Variants in NHLRC3 observed in about 807,000 individuals in gnomAD.
NHLRC3 encodes NHL repeat containing 3.
Under a neutral mutation model 32.0 loss-of-function variants are expected in NHLRC3, and 23 were observed. The observed-to-expected ratio is 0.72, with a 90% CI of 0.52 to 1.02. NHLRC3 has a LOEUF of 1.02. Among genes scored for constraint, NHLRC3 ranks in the 50% least tolerant of loss-of-function variants. The pLI is 0.00. For synonymous variants in NHLRC3, 159 were observed against 147.9 expected (o/e 1.08, Z -0.55); for missense variants, 407 against 406.8 (o/e 1.00, Z -0.01).
At chr13:39,044,812 C>T (rs761537948) in intron 5 of NHLRC3, among the ~76,000 whole-genome samples, 4 of 152,190 alleles carry the variant, frequency 2.6e-5, no homozygotes, top group Non-Finnish European at 5.9e-5. Context: ...CTTTTCACAA[C>T]GAAACCGCCA....
At chr13:39,039,414 T>G in intron 2 of NHLRC3, 126 bp downstream of exon 2, 3 of 1,079,814 alleles carry the variant, frequency 2.8e-6, no homozygotes, top group Non-Finnish European at 4.0e-6. Context: ...TGAGTTGGTC[T>G]CAAGTATTTT....
In NHLRC3 at chr13:39,038,623, T is replaced by G; in HGVS notation, c.-17T>G. On this transcript the variant is annotated 5_prime_UTR_variant, in exon 1 of 7. Transcript: ENST00000379600. ...AGACACCTGCGGACCCTCCCTCTCCTGGCTTCCCGTCTGGTCATGGCGAGA... is the reference window on the plus strand; with the variant it reads ...AGACACCTGCGGACCCTCCCTCTCCGGGCTTCCCGTCTGGTCATGGCGAGA... 3.1e-6 allele frequency: 5 copies of G among 1,612,530 alleles called. No homozygotes were observed. The highest frequency in any genetic ancestry group is 3.4e-6 in the Non-Finnish European group (4 of 1,178,498).
At chr13:39,044,360 G>T (rs562423236) in intron 5 of NHLRC3, 179 bp downstream of exon 5, 44 of 586,896 alleles carry the variant, frequency 7.5e-5, no homozygotes, top group African/African-American at 7.1e-4. Context: ...ATTACTCTGG[G>T]GCTGGGTGTG....
chr13:39,048,355 TA>T lies in NHLRC3; in HGVS notation c.*431del, dbSNP rs1389297973. On this transcript the variant is annotated 3_prime_UTR_variant, in exon 7 of 7. Coordinates refer to ENST00000379600, the MANE Select transcript of NHLRC3 (RefSeq NM_001012754.4). ...ATTGTAAATAAGATGAACTATTGAT[TA>T]ATTTGAGTACCCACAGAGTGCTGTG... The T allele has an allele frequency of 6.4e-6, 1 of 155,320 alleles. No homozygotes were observed. Among genetic ancestry groups the T allele is most frequent in the Non-Finnish European group, 1.4e-5 (1 of 69,880 alleles). The allele number at this position is 155,320 out of a possible 1,614,324, so 9.6% of individuals were successfully genotyped here.
Position 39,044,229 on chromosome 13 carries a change from T to TTGTGGGGGTG in NHLRC3, c.678+52_678+53insGGGGTGTGTG, listed in dbSNP as rs397951843. 5.8e-6 allele frequency: 5 copies of TTGTGGGGGTG among 859,156 alleles called. No individual in the cohort carries two copies. In the African/African-American group the frequency reaches 5.9e-5, roughly 10 times the overall value. The allele number at this position is 859,156 out of a possible 1,614,324, so 53.2% of individuals were successfully genotyped here. A position where few individuals can be genotyped will look rare whatever the true frequency, so the allele number is the denominator to read the frequency against. ...TCTGGGACTTTGTGTCTGAATATGTTTGTGTGTGTGTGTGTGTGTGTGTGT... is the reference window on the plus strand; with the variant it reads ...TCTGGGACTTTGTGTCTGAATATGTTTGTGGGGGTGTGTGTGTGTGTGTGTGTGTGTGTGT... On this transcript the variant is annotated intron_variant, in intron 5 of 6. Transcript: ENST00000379600.
intron 5 of NHLRC3, 41 bp downstream of exon 5, chr13:39,044,222 A>AAT: frequency 8.7e-7 from 1 of 1,147,440 alleles, no homozygotes; most frequent in African/African-American, 2.1e-5. Flanking sequence ...TTTGTGTCTG[A>AAT]ATATGTTTGT....
At position 39,045,394 on chromosome 13, in the gene NHLRC3, G is replaced by A. The variant is rs116301094; in HGVS notation, c.678+1213G>A. Among the ~76,000 whole-genome samples, 691 of 152,274 alleles carry A rather than the reference G, an allele frequency of 4.5e-3. 9 individuals are homozygous for A. Among genetic ancestry groups the A allele is most frequent in the African/African-American group, 0.016 (669 of 41,546 alleles). ...ATGGTGAGGAACGCCCTTCTAAAAG[G>A]CCTTGGAAATCATCTGATGGGGGTA... On this transcript the variant is annotated intron_variant, in intron 5 of 6. Coordinates refer to ENST00000379600, the MANE Select transcript of NHLRC3 (RefSeq NM_001012754.4).
chr13:39,042,845 A>G (rs542293282), intron 4 of NHLRC3, among the ~76,000 whole-genome samples: 2 of 152,306 alleles, frequency 1.3e-5, no homozygotes, highest in African/African-American at 4.8e-5. Context: ...GAACTAAACT[A>G]GTTTTGGTGG....
chr13:39,048,113 G>A lies in NHLRC3; in HGVS notation c.*187G>A, dbSNP rs1354882405. On this transcript the variant is annotated 3_prime_UTR_variant, in exon 7 of 7. Coordinates refer to ENST00000379600, the MANE Select transcript of NHLRC3 (RefSeq NM_001012754.4). ...TCTTGGGACTTAGTTTTATTTGTAA[G>A]TGCATAAGGATATTTTAATGAAAGG... 2.5e-5 allele frequency: 13 copies of A among 525,506 alleles called. No individual in the cohort carries two copies. The highest frequency in any genetic ancestry group is 3.7e-5 in the Non-Finnish European group (11 of 300,210). 32.6% of individuals were successfully genotyped at this position (525,506 alleles called of 1,614,324 possible).
At position 39,047,059 on chromosome 13, in the gene NHLRC3, G is replaced by A; in HGVS notation, c.698G>A (p.Gly233Glu). Reference protein sequence around the residue: ...SAGRVWVADRGNKRIQVFDKD... With the variant: ...SAGRVWVADRENKRIQVFDKD... ...TCTCAGGTGTGGGTTGCTGACCGAGGAAATAAAAGAATCCAAGTATTTGAT... is the reference window on the plus strand; with the variant it reads ...TCTCAGGTGTGGGTTGCTGACCGAGAAAATAAAAGAATCCAAGTATTTGAT... Residue 233 changes from glycine to glutamate, a missense_variant, in exon 6 of 7, where the codon GGA (glycine) becomes GAA (glutamate). Coordinates refer to ENST00000379600, the MANE Select transcript of NHLRC3 (RefSeq NM_001012754.4). 1 of 1,611,368 alleles carries A rather than the reference G, an allele frequency of 6.2e-7. No homozygotes were observed. Among genetic ancestry groups the A allele is most frequent in the Non-Finnish European group, 8.5e-7 (1 of 1,178,178 alleles).
chr13:39,039,078 C>CCTTTTTTT, intron 1 of NHLRC3, 58 bp from the exon 2 acceptor site: 1 of 1,038,068 alleles, frequency 9.6e-7, no homozygotes, highest in Non-Finnish European at 1.4e-6. Context: ...CCCCCCCGCC[C>CCTTTTTTT]TTTTTTTGTT....
chr13:39,044,160 T>TC lies in NHLRC3; in HGVS notation c.657_658insC (p.Thr220HisfsTer3). 6.2e-7 allele frequency: 1 copy of TC among 1,612,776 alleles called. No homozygotes were observed. Among genetic ancestry groups the TC allele is most frequent in the Non-Finnish European group, 8.5e-7 (1 of 1,178,772 alleles). ...CTAAGTTCAACATACCTCACAGTGT[T>TC]ACACTTGATTCAGCTGGTCGGGTAC... On this transcript the variant is annotated frameshift_variant, in exon 5 of 7. Transcript: ENST00000379600. LOFTEE classifies it high-confidence loss of function.
chr13:39,040,521 G>A (rs1871427866), intron 3 of NHLRC3: 1 of 152,166 alleles, frequency 6.6e-6, no homozygotes, highest in Non-Finnish European at 1.5e-5. Context: ...AATATTTTTA[G>A]TAGAAAAAGC....
chr13:39,038,561 C>A lies in NHLRC3; in HGVS notation c.-79C>A. The A allele has an allele frequency of 1.6e-6, 2 of 1,258,692 alleles. No individual in the cohort carries two copies. The highest frequency in any genetic ancestry group is 2.3e-6 in the Non-Finnish European group (2 of 856,348). 78.0% of individuals were successfully genotyped at this position (1,258,692 alleles called of 1,614,324 possible). A position where few individuals can be genotyped will look rare whatever the true frequency, so the allele number is the denominator to read the frequency against. On this transcript the variant is annotated 5_prime_UTR_variant, in exon 1 of 7. Transcript: ENST00000379600. ...CCCGGGCAGACCCTCTGTGCCGCTG[C>A]AAACCGTTGCAGCCTGAGGCTGTCA...
chr13:39,040,303 T>A (rs1256732727), intron 3 of NHLRC3: 1 of 152,188 alleles, frequency 6.6e-6, no homozygotes, highest in Non-Finnish European at 1.5e-5. Context: ...TCAGATTAAA[T>A]AACTCTAAAC....
intron 4 of NHLRC3, 23 bp downstream of exon 4, chr13:39,042,328 T>TTTTATAATACC: frequency 7.6e-7 from 1 of 1,316,806 alleles, no homozygotes; most frequent in Non-Finnish European, 1.1e-6. Context: ...TTTATGGTAT[T>TTTTATAATACC]ATAAAAATAT....
chr13:39,044,277 G>A, intron 5 of NHLRC3, 96 bp downstream of exon 5: 6 of 847,084 alleles, frequency 7.1e-6, no homozygotes, highest in Non-Finnish European at 1.2e-5. Flanking sequence ...GTCTGGGCAT[G>A]TATATATAGA....
intron 3 of NHLRC3, chr13:39,041,358 C>G (rs960238796): frequency 6.6e-6 from 1 of 152,050 alleles, no homozygotes; most frequent in African/African-American, 2.4e-5. Flanking sequence ...CAAGCTGATT[C>G]ACTTTCTTTC....
In NHLRC3 at chr13:39,044,087, T is replaced by C. The variant is rs1871566283; in HGVS notation, c.587-3T>C. 2 of 1,606,278 alleles carry C rather than the reference T, an allele frequency of 1.2e-6. No homozygotes were observed. The highest frequency in any genetic ancestry group is 4.5e-5 in the East Asian group (2 of 44,836). ...TCTGACTATATATTTTTACCGTTTA[T>C]AGATTTCATGATCCTTTGGCTGCAT... On this transcript the variant is annotated splice_region_variant and splice_polypyrimidine_tract_variant and intron_variant, in intron 4 of 6. Transcript: ENST00000379600.
Sources: gnomAD v4.1 joint callset for allele counts (sites outside exome capture counted in the v4.1 genomes callset) on GRCh38, gnomAD v4.1.1 for gene constraint, MANE v1.5 for transcripts, NCBI Gene and HGNC (gene_info 2026-07-23, HGNC 2026-07-21) for gene names.